Variants in CAMKMT observed in about 807,000 individuals in gnomAD.
CAMKMT encodes the protein calmodulin-lysine N-methyltransferase.
In CAMKMT, 53 loss-of-function variants were observed where a neutral mutation model predicts 48.0. That is an observed-to-expected ratio of 1.10 (90% CI 0.89 to 1.39). The LOEUF (loss-of-function observed/expected upper bound fraction) is 1.39, where lower values mean the gene tolerates loss of function less well. Ranked by LOEUF, CAMKMT falls within the 40% of genes most tolerant of loss-of-function variation. The pLI is 0.00. For synonymous variants in CAMKMT, 165 were observed against 152.3 expected (o/e 1.08, Z -0.61); for missense variants, 428 against 402.7 (o/e 1.06, Z -0.54).
intron 3 of CAMKMT, among the ~76,000 whole-genome samples, chr2:44,485,236 G>A (rs1473484387): frequency 1.3e-5 from 2 of 152,146 alleles, no homozygotes; most frequent in Non-Finnish European, 2.9e-5. Context: ...TGCACCAAAA[G>A]ACGTATGCAA....
intron 3 of CAMKMT, among the ~76,000 whole-genome samples, chr2:44,398,671 T>C (rs1312574706): frequency 1.3e-5 from 2 of 151,990 alleles, no homozygotes; most frequent in African/African-American, 2.4e-5. Context: ...TTCTCAAGCT[T>C]ATGGCTATAT....
chr2:44,763,705 T>G (rs1043228767), intron 9 of CAMKMT, among the ~76,000 whole-genome samples: 1 of 152,100 alleles, frequency 6.6e-6, no homozygotes, highest in Non-Finnish European at 1.5e-5. Flanking sequence ...ACAGGTAAAC[T>G]GAGAGCTGAA....
intron 3 of CAMKMT, among the ~76,000 whole-genome samples, chr2:44,445,665 T>G (rs1050750168): frequency 5.1e-4 from 8 of 15,702 alleles, no homozygotes; most frequent in Admixed American, 9.5e-4. Context: ...TTTTTTTTTT[T>G]TTTTTTTTTT....
chr2:44,460,921 C>T (rs1667816569), intron 3 of CAMKMT, among the ~76,000 whole-genome samples: 1 of 151,824 alleles, frequency 6.6e-6, no homozygotes, highest in Non-Finnish European at 1.5e-5. Context: ...TGGCTTTTTG[C>T]CATGTTGGCC....
chr2:44,551,839 A>G (rs1667731919), intron 3 of CAMKMT, among the ~76,000 whole-genome samples: 1 of 152,158 alleles, frequency 6.6e-6, no homozygotes, highest in African/African-American at 2.4e-5. Context: ...TATTATTCTC[A>G]TTTTACAGAA....
At chr2:44,447,692 A>C (rs1667077333) in intron 3 of CAMKMT, among the ~76,000 whole-genome samples, 1 of 152,228 alleles carries the variant, frequency 6.6e-6, no homozygotes, top group South Asian at 2.1e-4. Context: ...TAATGTTTTC[A>C]CATCTTATTG....
intron 3 of CAMKMT, among the ~76,000 whole-genome samples, chr2:44,427,204 A>C (rs978140989): frequency 6.6e-6 from 1 of 152,242 alleles, no homozygotes; most frequent in Non-Finnish European, 1.5e-5. Flanking sequence ...AACCATAAAA[A>C]TTCTAGTAGA....
intron 3 of CAMKMT, among the ~76,000 whole-genome samples, chr2:44,428,295 C>T (rs1018289858): frequency 2.0e-5 from 3 of 152,176 alleles, no homozygotes; most frequent in Admixed American, 1.3e-4. Flanking sequence ...AGAGTTCGGT[C>T]GTTCCCAGCC....
intron 3 of CAMKMT, among the ~76,000 whole-genome samples, chr2:44,514,735 C>T (rs1170722742): frequency 6.6e-6 from 1 of 152,154 alleles, no homozygotes; most frequent in Non-Finnish European, 1.5e-5. Flanking sequence ...TGAATGACTA[C>T]ATTAATAGGA....
chr2:44,482,250 T>A (rs1669010312), intron 3 of CAMKMT, among the ~76,000 whole-genome samples: 1 of 152,156 alleles, frequency 6.6e-6, no homozygotes, highest in Non-Finnish European at 1.5e-5. Flanking sequence ...TTTTCACTAA[T>A]TGAATTTTTC....
intron 3 of CAMKMT, among the ~76,000 whole-genome samples, chr2:44,414,371 G>C (rs566867545): frequency 3.3e-5 from 5 of 152,288 alleles, no homozygotes; most frequent in African/African-American, 9.6e-5. Context: ...TAAGCTGTCA[G>C]CTGAGGTTGC....
At chr2:44,412,539 T>C (rs1683281190) in intron 3 of CAMKMT, among the ~76,000 whole-genome samples, 1 of 152,000 alleles carries the variant, frequency 6.6e-6, no homozygotes, top group African/African-American at 2.4e-5. Flanking sequence ...TTTTGCCATA[T>C]TGGCCAGGCT....
intron 3 of CAMKMT, among the ~76,000 whole-genome samples, chr2:44,690,136 G>A (rs1676562132): frequency 6.6e-6 from 1 of 152,186 alleles, no homozygotes; most frequent in Non-Finnish European, 1.5e-5. Flanking sequence ...TTTCTTGGTA[G>A]AGGTTTAAAT....
chr2:44,621,440 A>C (rs184079024), intron 3 of CAMKMT, among the ~76,000 whole-genome samples: 2 of 152,138 alleles, frequency 1.3e-5, no homozygotes, highest in Non-Finnish European at 2.9e-5. Context: ...GCTGCTTTAC[A>C]TTGGATGGCC....
intron 3 of CAMKMT, among the ~76,000 whole-genome samples, chr2:44,506,575 T>C (rs1231774317): frequency 6.6e-6 from 1 of 152,184 alleles, no homozygotes; most frequent in Non-Finnish European, 1.5e-5. Context: ...CCTAGTTATG[T>C]TCTGGTCGGA....
intron 3 of CAMKMT, among the ~76,000 whole-genome samples, chr2:44,656,060 C>T (rs1449732628): frequency 6.6e-6 from 1 of 152,078 alleles, no homozygotes; most frequent in African/African-American, 2.4e-5. Flanking sequence ...AGAAAATAAT[C>T]TATTAATGAG....
At chr2:44,544,045 A>G (rs1364632362) in intron 3 of CAMKMT, among the ~76,000 whole-genome samples, 2 of 151,992 alleles carry the variant, frequency 1.3e-5, no homozygotes, top group Admixed American at 6.6e-5. Flanking sequence ...CTACTATACT[A>G]CTCTTGGAAA....
At chr2:44,685,132 G>A (rs1676266976) in intron 3 of CAMKMT, among the ~76,000 whole-genome samples, 1 of 151,878 alleles carries the variant, frequency 6.6e-6, no homozygotes, top group Non-Finnish European at 1.5e-5. Flanking sequence ...ACAACATAAA[G>A]AAAGAGATCA....
At chr2:44,549,958 C>G (rs1249477880) in intron 3 of CAMKMT, among the ~76,000 whole-genome samples, 2 of 152,120 alleles carry the variant, frequency 1.3e-5, no homozygotes, top group East Asian at 1.9e-4. Context: ...TTCATTCTGA[C>G]CTGCCTGAAT....
Sources: gnomAD v4.1 joint callset for allele counts (sites outside exome capture counted in the v4.1 genomes callset) on GRCh38, gnomAD v4.1.1 for gene constraint, MANE v1.5 for transcripts, NCBI Gene and HGNC (gene_info 2026-07-23, HGNC 2026-07-21) for gene names.